IRX2: variants seen among roughly 807,000 people sequenced by gnomAD.
IRX2 encodes the protein iroquois-class homeodomain protein IRX-2.
IRX2 carries 26 observed loss-of-function variants against 42.9 expected under a neutral mutation model. The ratio of observed to expected loss-of-function variants is 0.61; its 90% CI spans 0.44 to 0.84. IRX2 has a LOEUF of 0.84. IRX2 is among the 40% of genes least tolerant of loss of function. The pLI is 0.00. For synonymous variants in IRX2, 424 were observed against 353.9 expected, an observed-to-expected ratio of 1.20 and a Z score of -2.22; for missense variants, 782 against 713.9, an observed-to-expected ratio of 1.10 and a Z score of -1.09.
chr5:2,743,025 G>A (rs554012533), downstream of IRX2, among the ~76,000 whole-genome samples: 1 of 152,200 alleles, frequency 6.6e-6, no homozygotes, highest in Non-Finnish European at 1.5e-5. Flanking sequence ...CCCAGAATCC[G>A]CAGAGATCTA....
At chr5:2,750,922 G>A (rs1737933411) in intron 1 of IRX2, among the ~76,000 whole-genome samples, 5 of 152,020 alleles carry the variant, frequency 3.3e-5, no homozygotes, top group Admixed American at 3.3e-4. Flanking sequence ...GGCGAGCCGA[G>A]GGGACGCGCG....
rs34380307 is a variant in IRX2 at position 2,747,319 on chromosome 5, ATTTT to A, written c.*241_*244del. On this transcript the variant is annotated 3_prime_UTR_variant, in exon 4 of 4. Coordinates refer to ENST00000302057, the MANE Select transcript of IRX2 (RefSeq NM_033267.5). ...CACACACACACACATATATATATATATTTTTTTTTTCCTTCCCTAGGTAAAGGAG... is the reference window on the plus strand; with the variant it reads ...CACACACACACACATATATATATATATTTTTTCCTTCCCTAGGTAAAGGAG... 4.0e-5 allele frequency: 12 copies of A among 296,996 alleles called. No homozygotes were observed. Among genetic ancestry groups the A allele is most frequent in the South Asian group, 2.6e-4 (4 of 15,514 alleles). The allele number at this position is 296,996 out of a possible 1,614,324, so 18.4% of individuals were successfully genotyped here. A position where few individuals can be genotyped will look rare whatever the true frequency, so the allele number is the denominator to read the frequency against.
chr5:2,739,024 T>G, the IRX2 span, among the ~76,000 whole-genome samples: 1 of 152,124 alleles, frequency 6.6e-6, no homozygotes, highest in Non-Finnish European at 1.5e-5. Context: ...GGCCGCTGAC[T>G]CCGCTGTGTC....
chr5:2,747,673 G>GACC, intron 3 of IRX2, 57 bp from the exon 4 acceptor site: 1 of 1,556,442 alleles, frequency 6.4e-7, no homozygotes, highest in East Asian at 2.3e-5. Context: ...TGGCTGCGCA[G>GACC]ACCACCGTGC....
At position 2,746,312 on chromosome 5, in the gene IRX2, C is replaced by T. The variant is rs1737663772; in HGVS notation, c.*1252G>A. The T allele has an allele frequency of 1.3e-5, 2 of 152,080 alleles. 1 individual carries two copies. Among genetic ancestry groups the T allele is most frequent in the African/African-American group, 4.8e-5 (2 of 41,400 alleles). The allele number at this position is 152,080 out of a possible 1,614,324, so 9.4% of individuals were successfully genotyped here. On this transcript the variant is annotated 3_prime_UTR_variant, in exon 4 of 4. Transcript: ENST00000302057. The stretch of plus-strand genomic sequence containing the variant: ...TTTACAAAAAGTTTAGATTCCATTG[C>T]AATACAACTTGCATAAATTACTAGA...
rs1347505471 is a variant in IRX2, at chr5:2,751,040, T to G, written c.249+125A>C. ...CGGGGCGGCCAACCGAGCCGGCGAC[T>G]CCTGAGTCGCCAGCCGCGCCACATT... On this transcript the variant is annotated intron_variant, in intron 1 of 3. Coordinates refer to ENST00000302057, the MANE Select transcript of IRX2 (RefSeq NM_033267.5). This position sits in a 1 kb window ranked among gnomAD's most constrained non-coding sequence, Gnocchi z 4.0. 12 of 1,110,012 alleles carry G rather than the reference T, an allele frequency of 1.1e-5. No homozygotes were observed. Among genetic ancestry groups the G allele is most frequent in the Non-Finnish European group, 1.3e-5 (12 of 894,350 alleles). 68.8% of individuals were successfully genotyped at this position (1,110,012 alleles called of 1,614,324 possible).
At chr5:2,739,247 C>A in the IRX2 span, among the ~76,000 whole-genome samples, 12,915 of 152,268 alleles carry the variant, frequency 0.085, 1,299 homozygotes, top group African/African-American at 0.24. Flanking sequence ...GCCCTCGCTC[C>A]GTGCGCCCAA....
rs990751729 is a variant in IRX2, at chr5:2,751,072, G to C, written c.249+93C>G. 627 of 1,175,002 alleles carry C rather than the reference G, an allele frequency of 5.3e-4. 3 individuals are homozygous for C. In the African/African-American group the frequency reaches 5.9e-3, roughly 11 times the overall value. The allele number at this position is 1,175,002 out of a possible 1,614,324, so 72.8% of individuals were successfully genotyped here. The stretch of plus-strand genomic sequence containing the variant: ...TCGCCAGCCGCGCCACATTCCCGGC[G>C]GCCCCCGCCCGCCGAACCCGAGCCC... On this transcript the variant is annotated intron_variant, in intron 1 of 3. Coordinates refer to ENST00000302057, the MANE Select transcript of IRX2 (RefSeq NM_033267.5). This position sits in a 1 kb window ranked among gnomAD's most constrained non-coding sequence, Gnocchi z 4.0.
chr5:2,740,707 C>G, the IRX2 span, among the ~76,000 whole-genome samples: 1 of 152,122 alleles, frequency 6.6e-6, no homozygotes, highest in Non-Finnish European at 1.5e-5. Context: ...GGACGTGGGC[C>G]GGGTGGAAGG....
the IRX2 span, among the ~76,000 whole-genome samples, chr5:2,736,003 C>T: frequency 6.6e-6 from 1 of 152,204 alleles, no homozygotes; most frequent in Non-Finnish European, 1.5e-5. Flanking sequence ...GCCCTTTTCC[C>T]TGTGGGGCAG....
Position 2,751,400 on chromosome 5 carries a change from T to A in IRX2, c.14A>T (p.Gln5Leu). 1 of 1,399,762 alleles carries A rather than the reference T, an allele frequency of 7.1e-7. No homozygotes were observed. Among genetic ancestry groups the A allele is most frequent in the Non-Finnish European group, 9.3e-7 (1 of 1,074,860 alleles). 86.7% of individuals were successfully genotyped at this position (1,399,762 alleles called of 1,614,324 possible). Residue 5 changes from glutamine (Q) to leucine (L), a missense_variant, in exon 1 of 4, where the codon CAG (glutamine) becomes CTG (leucine). By Grantham distance (113) the Gln-to-Leu change is moderately radical. Transcript: ENST00000302057. The surrounding 1 kb of genome is among the most constrained non-coding windows in gnomAD (Gnocchi z 4.0). Reference protein sequence around the residue: MSYPQGYLYQAPGSL... With the variant: MSYPLGYLYQAPGSL... ...GCCGGGCGCCTGGTACAGGTAGCCCTGCGGGTAGGACATGGTGGGCGCGGG... is the reference window on the plus strand; with the variant it reads ...GCCGGGCGCCTGGTACAGGTAGCCCAGCGGGTAGGACATGGTGGGCGCGGG...
downstream of IRX2, among the ~76,000 whole-genome samples, chr5:2,744,071 GTCGT>G (rs1737603790): frequency 7.8e-6 from 1 of 128,382 alleles, no homozygotes; most frequent in African/African-American, 3.0e-5. Context: ...AGAGAATGGA[GTCGT>G]GTGTGTGTGT....
chr5:2,747,246 G>A lies in IRX2; in HGVS notation c.*318C>T, dbSNP rs1440614978. On this transcript the variant is annotated 3_prime_UTR_variant, in exon 4 of 4. Coordinates refer to ENST00000302057, the MANE Select transcript of IRX2 (RefSeq NM_033267.5). Reference sequence around the variant, plus strand: ...TAGTGTGTAATATATATATACACATGTACTATATATATACATGTACTATAT... The same window carrying A: ...TAGTGTGTAATATATATATACACATATACTATATATATACATGTACTATAT... 6 of 166,342 alleles carry A rather than the reference G, an allele frequency of 3.6e-5. No homozygotes were observed. The highest frequency in any genetic ancestry group is 1.2e-4 in the African/African-American group (5 of 41,090). 10.3% of individuals were successfully genotyped at this position (166,342 alleles called of 1,614,324 possible).
chr5:2,743,458 T>A (rs1368882404), downstream of IRX2, among the ~76,000 whole-genome samples: 1 of 151,684 alleles, frequency 6.6e-6, no homozygotes, highest in African/African-American at 2.4e-5. Flanking sequence ...CGAATTCCGA[T>A]AAATCAGCTC....
chr5:2,744,340 A>G (rs1026859205), downstream of IRX2, among the ~76,000 whole-genome samples: 1 of 152,188 alleles, frequency 6.6e-6, no homozygotes, highest in Non-Finnish European at 1.5e-5. Context: ...GTTAACTTTC[A>G]TACTTTTCAC....
chr5:2,751,207 C>A lies in IRX2; in HGVS notation c.207G>T (p.Ser69=). ...ATGFGSPLQY[S]ADAAAAAAGF... ...CGGCGGCGGCGGCGGCGGCGTCGGC[C>A]GAGTACTGCAGCGGGCTCCCGAAGC... Residue 69 remains serine (S), a synonymous_variant, in exon 1 of 4, where the codon TCG becomes TCT. Coordinates refer to ENST00000302057, the MANE Select transcript of IRX2 (RefSeq NM_033267.5). The surrounding 1 kb of genome is among the most constrained non-coding windows in gnomAD (Gnocchi z 4.0). 3.1e-6 allele frequency: 4 copies of A among 1,311,200 alleles called. No homozygotes were observed. Among genetic ancestry groups the A allele is most frequent in the Non-Finnish European group, 3.9e-6 (4 of 1,031,958 alleles). The allele number at this position is 1,311,200 out of a possible 1,614,324, so 81.2% of individuals were successfully genotyped here.
rs757698603 is a variant in IRX2 at position 2,748,425 on chromosome 5, G to A, written c.1283C>T (p.Ala428Val). 4 of 1,529,882 alleles carry A rather than the reference G, an allele frequency of 2.6e-6. No homozygotes were observed. Among genetic ancestry groups the A allele is most frequent in the Admixed American group, 2.1e-5 (1 of 47,514 alleles). The allele number at this position is 1,529,882 out of a possible 1,614,324, so 94.8% of individuals were successfully genotyped here. A position where few individuals can be genotyped will look rare whatever the true frequency, so the allele number is the denominator to read the frequency against. The stretch of plus-strand genomic sequence containing the variant: ...CGCGCCCGCCTTGCCCGCGTCGCTG[G>A]CCGCCTTTGGCGCGGTGTGCAGGGC... The part of the protein sequence containing the change: ...GEALHTAPKA[A>V]SDAGKAGAHP... Residue 428 changes from alanine to valine, a missense_variant, in exon 3 of 4, where the codon GCC (alanine) becomes GTC (valine). By Grantham distance (64) the Ala-to-Val change is moderately conservative. Around this residue, in one of 3 missense-constraint regions of IRX2, gnomAD observed 520 missense variants for 437.8 expected, o/e 1.19. Coordinates refer to ENST00000302057, the MANE Select transcript of IRX2 (RefSeq NM_033267.5).
chr5:2,747,556 C>G lies in IRX2; in HGVS notation c.*8G>C, dbSNP rs200535388. The G allele has an allele frequency of 8.1e-6, 13 of 1,613,696 alleles. No homozygotes were observed. Among genetic ancestry groups the G allele is most frequent in the South Asian group, 7.7e-5 (7 of 91,070 alleles). ...GCCCACTTACTTGCATTGCTGTGCT[C>G]GGCCCTTCTATAGGTAGGGCTGGAC... On this transcript the variant is annotated 3_prime_UTR_variant, in exon 4 of 4. Transcript: ENST00000302057.
At position 2,747,547 on chromosome 5, in the gene IRX2, T is replaced by A; in HGVS notation, c.*17A>T. The stretch of plus-strand genomic sequence containing the variant: ...CACCAGGGTGCCCACTTACTTGCAT[T>A]GCTGTGCTCGGCCCTTCTATAGGTA... On this transcript the variant is annotated 3_prime_UTR_variant, in exon 4 of 4. Transcript: ENST00000302057. 1 of 1,612,990 alleles carries A rather than the reference T, an allele frequency of 6.2e-7. No individual in the cohort carries two copies. The highest frequency in any genetic ancestry group is 1.1e-5 in the South Asian group (1 of 91,058).
Sources: gnomAD v4.1 joint callset for allele counts (sites outside exome capture counted in the v4.1 genomes callset) on GRCh38, gnomAD v4.1.1 for gene constraint, gnomAD v4.1.1 regional missense constraint, Gnocchi (gnomAD v3.1) non-coding constraint, MANE v1.5 for transcripts, NCBI Gene and HGNC (gene_info 2026-07-23, HGNC 2026-07-21) for gene names.